The following ONECUT1 variants were observed in gnomAD, a reference collection of about 807,000 sequenced individuals.
ONECUT1 encodes hepatocyte nuclear factor 6.
A neutral mutation model predicts 25.6 loss-of-function variants in ONECUT1; 12 were observed. The ratio of observed to expected loss-of-function variants is 0.47; its 90% CI spans 0.30 to 0.76. ONECUT1 has a LOEUF of 0.76. Ranked by LOEUF, ONECUT1 falls within the 30% of genes least tolerant of loss-of-function variation. ONECUT1 has a pLI of 0.07. For synonymous variants in ONECUT1, 285 were observed against 270.2 expected (o/e 1.05, Z -0.54); for missense variants, 620 against 651.2 (o/e 0.95, Z 0.52).
At chr15:52,777,729 C>CAAAAAAAAAAAA (rs1309303644) in intron 1 of ONECUT1, among the ~76,000 whole-genome samples, 1 of 87,358 alleles carries the variant, frequency 1.1e-5, no homozygotes, top group African/African-American at 8.3e-5. Context: ...CACACACACA[C>CAAAAAAAAAAAA]ACACACACAA....
At chr15:52,762,036 G>A (rs1355490160) in intron 1 of ONECUT1, among the ~76,000 whole-genome samples, 2 of 152,156 alleles carry the variant, frequency 1.3e-5, no homozygotes, top group African/African-American at 4.8e-5. Context: ...GAAGTCATTA[G>A]GTCTCTAGAT....
intron 1 of ONECUT1, chr15:52,780,848 A>G (rs754887617): frequency 1.9e-5 from 26 of 1,345,058 alleles, no homozygotes; most frequent in Non-Finnish European, 2.5e-5. Context: ...TGTGAAAACG[A>G]AAGCAGTGAT....
intron 1 of ONECUT1, among the ~76,000 whole-genome samples, chr15:52,786,278 T>C (rs2083874381): frequency 6.6e-6 from 1 of 152,258 alleles, no homozygotes; most frequent in Non-Finnish European, 1.5e-5. Flanking sequence ...AAATAGGTTG[T>C]GAAGAGACTG....
chr15:52,765,532 T>C (rs2083729332), intron 1 of ONECUT1, among the ~76,000 whole-genome samples: 1 of 152,140 alleles, frequency 6.6e-6, no homozygotes, highest in South Asian at 2.1e-4. Flanking sequence ...AGACAATATA[T>C]GTGGATGAGC....
chr15:52,785,084 C>A (rs979513888), intron 1 of ONECUT1, among the ~76,000 whole-genome samples: 2 of 152,272 alleles, frequency 1.3e-5, no homozygotes, highest in African/African-American at 2.4e-5. Context: ...GCGTCCCACA[C>A]GCCCAGTCCT....
Position 52,789,764 on chromosome 15 carries a change from G to C in ONECUT1, c.121C>G (p.Arg41Gly). 1 of 1,404,864 alleles carries C rather than the reference G, an allele frequency of 7.1e-7. No homozygotes were observed. The highest frequency in any genetic ancestry group is 9.2e-7 in the Non-Finnish European group (1 of 1,090,520). 87.0% of individuals were successfully genotyped at this position (1,404,864 alleles called of 1,614,324 possible). Residue 41 changes from arginine to glycine, a missense_variant, in exon 1 of 2, where the codon CGC becomes GGC. Arg to Gly is a moderately radical substitution (Grantham distance 125). Around this residue, in one of 4 missense-constraint regions of ONECUT1, gnomAD observed 440 missense variants for 404.9 expected, o/e 1.09. Transcript: ENST00000305901. This position sits in a 1 kb window ranked among gnomAD's most constrained non-coding sequence, Gnocchi z 4.1. Reference protein sequence around the residue: ...SPHARSSVAHRGSHLPPAHPR... With the variant: ...SPHARSSVAHGGSHLPPAHPR... The stretch of plus-strand genomic sequence containing the variant: ...TGCGCGGGGGGCAGGTGGCTGCCGC[G>C]GTGCGCCACGGAGCTGCGCGCGTGG...
Position 52,757,701 on chromosome 15 carries a change from T to G in ONECUT1, c.1252A>C (p.Ile418Leu), listed in dbSNP as rs1313697080. 6.2e-7 allele frequency: 1 copy of G among 1,614,122 alleles called. No individual in the cohort carries two copies. Residue 418 changes from isoleucine (I) to leucine (L), a missense_variant, in exon 2 of 2, where the codon ATT (isoleucine) becomes CTT (leucine). Ile to Leu is a conservative substitution (Grantham distance 5). This residue lies in a region of ONECUT1 where 146 missense variants were observed against 201.8 expected (regional missense o/e 0.72). Coordinates refer to ENST00000305901, the MANE Select transcript of ONECUT1 (RefSeq NM_004498.4). ...KRPSKELQIT[I>L]SQQLGLELST... is the part of the protein sequence containing the mutation. Reference sequence around the variant, plus strand: ...AGCTCCAACCCCAGCTGCTGGGAAATGGTGATTTGCAATTCTTTGGATGGA... The same window carrying G: ...AGCTCCAACCCCAGCTGCTGGGAAAGGGTGATTTGCAATTCTTTGGATGGA...
Position 52,755,489 on chromosome 15 carries a change from G to GTC in ONECUT1, c.*2065_*2066insGA. On this transcript the variant is annotated 3_prime_UTR_variant, in exon 2 of 2. Transcript: ENST00000305901. Reference sequence around the variant, plus strand: ...AGGCAAATGAAGTATTTCATCAAAAGAGAAGTATATGTTGGTTTCCTCTTC... The same window carrying GTC: ...AGGCAAATGAAGTATTTCATCAAAAGTCAGAAGTATATGTTGGTTTCCTCTTC... 6.6e-6 allele frequency among the ~76,000 whole-genome samples: 1 copy of GTC among 152,334 alleles called. No individual in the cohort carries two copies. The highest frequency in any genetic ancestry group is 1.5e-5 in the Non-Finnish European group (1 of 68,026).
chr15:52,773,654 T>C (rs1397625232), intron 1 of ONECUT1, among the ~76,000 whole-genome samples: 1 of 152,042 alleles, frequency 6.6e-6, no homozygotes, highest in Non-Finnish European at 1.5e-5. Context: ...CATTCTAGGA[T>C]TGGGGCAGAA....
intron 1 of ONECUT1, among the ~76,000 whole-genome samples, chr15:52,761,619 T>C (rs1766662707): frequency 6.6e-6 from 1 of 152,188 alleles, no homozygotes; most frequent in South Asian, 2.1e-4. Context: ...TGTAGTCAGC[T>C]GATATTGCAA....
rs1474598526 is a variant in ONECUT1 at position 52,790,084 on chromosome 15, T to G, written c.-200A>C. On this transcript the variant is annotated 5_prime_UTR_variant, in exon 1 of 2. Transcript: ENST00000305901. ...GCGTGTGCGTGTGTGTGTGTGTGTGTGTCTCGCCTTCCCTCTTACCCCCCA... is the reference window on the plus strand; with the variant it reads ...GCGTGTGCGTGTGTGTGTGTGTGTGGGTCTCGCCTTCCCTCTTACCCCCCA... The G allele has an allele frequency of 1.4e-6, 1 of 705,532 alleles. No homozygotes were observed. The highest frequency in any genetic ancestry group is 4.4e-5 in the Admixed American group (1 of 22,960). 43.7% of individuals were successfully genotyped at this position (705,532 alleles called of 1,614,324 possible).
At position 52,757,201 on chromosome 15, in the gene ONECUT1, A is replaced by T. The variant is rs2083678039; in HGVS notation, c.*354T>A. 4.1e-6 allele frequency: 1 copy of T among 243,122 alleles called. No homozygotes were observed. The highest frequency in any genetic ancestry group is 1.1e-4 in the East Asian group (1 of 9,058). The allele number at this position is 243,122 out of a possible 1,614,324, so 15.1% of individuals were successfully genotyped here. A position where few individuals can be genotyped will look rare whatever the true frequency, so the allele number is the denominator to read the frequency against. ...ATACACCTTCGTGGCATGGTAGAAC[A>T]GATGAGAAAGTTCGATCTTAAAAGA... On this transcript the variant is annotated 3_prime_UTR_variant, in exon 2 of 2. Transcript: ENST00000305901.
chr15:52,755,276 G>T lies in ONECUT1; in HGVS notation c.*2279C>A, dbSNP rs191374818. Among the ~76,000 whole-genome samples the T allele has an allele frequency of 2.0e-5, 3 of 152,142 alleles. No homozygotes were observed. The highest frequency in any genetic ancestry group is 2.9e-5 in the Non-Finnish European group (2 of 68,016). On this transcript the variant is annotated 3_prime_UTR_variant, in exon 2 of 2. Coordinates refer to ENST00000305901, the MANE Select transcript of ONECUT1 (RefSeq NM_004498.4). Reference sequence around the variant, plus strand: ...GGCTCCCTCCATCCCTGGAGAGAGAGAAAATGTTAATCAGTTTTTTCCTTT... The same window carrying T: ...GGCTCCCTCCATCCCTGGAGAGAGATAAAATGTTAATCAGTTTTTTCCTTT...
At chr15:52,761,981 G>T (rs867032025) in intron 1 of ONECUT1, among the ~76,000 whole-genome samples, 1 of 152,320 alleles carries the variant, frequency 6.6e-6, no homozygotes, top group Middle Eastern at 3.4e-3. Flanking sequence ...GGATGTATGG[G>T]ATCTGGAGTT....
chr15:52,789,071 T>C lies in ONECUT1; in HGVS notation c.814A>G (p.Asn272Asp). The C allele has an allele frequency of 6.2e-7, 1 of 1,602,402 alleles. No individual in the cohort carries two copies. The highest frequency in any genetic ancestry group is 1.7e-5 in the Admixed American group (1 of 60,024). ...ACCTGCGCGCCGGTCACCGAAGGGTTGGGCTCCCGGGCTGTGCCCAGGAGT... is the reference window on the plus strand; with the variant it reads ...ACCTGCGCGCCGGTCACCGAAGGGTCGGGCTCCCGGGCTGTGCCCAGGAGT... ...GQLLGTAREP[N>D]PSVTGAQVSN... Residue 272 changes from asparagine to aspartate, a missense_variant, in exon 1 of 2, where the codon AAC becomes GAC. Asn to Asp is a conservative substitution (Grantham distance 23). Around this residue, in one of 4 missense-constraint regions of ONECUT1, gnomAD observed 440 missense variants for 404.9 expected, o/e 1.09. Coordinates refer to ENST00000305901, the MANE Select transcript of ONECUT1 (RefSeq NM_004498.4). The surrounding 1 kb of genome is among the most constrained non-coding windows in gnomAD (Gnocchi z 4.1).
chr15:52,760,127 A>T (rs2083697354), intron 1 of ONECUT1, among the ~76,000 whole-genome samples: 1 of 152,178 alleles, frequency 6.6e-6, no homozygotes, highest in African/African-American at 2.4e-5. Context: ...CTTTTGTAAC[A>T]TGTCCTGTAG....
At chr15:52,787,774 C>G (rs1033212837) in intron 1 of ONECUT1, 5 of 152,120 alleles carry the variant, frequency 3.3e-5, no homozygotes, top group African/African-American at 1.2e-4. Flanking sequence ...CAAGGGTCGC[C>G]GAATCCTCCT....
chr15:52,761,593 C>G (rs1162333241), intron 1 of ONECUT1, among the ~76,000 whole-genome samples: 1 of 152,154 alleles, frequency 6.6e-6, no homozygotes, highest in African/African-American at 2.4e-5. Context: ...ATTGCTTGAA[C>G]CCAGGATGCA....
At chr15:52,758,110 C>T (rs189282506) in intron 1 of ONECUT1, among the ~76,000 whole-genome samples, 6 of 152,260 alleles carry the variant, frequency 3.9e-5, no homozygotes, top group Admixed American at 2.6e-4. Flanking sequence ...TCAGTTAACT[C>T]CATCTGGGCT....
Sources: allele counts gnomAD v4.1 joint callset (sites outside exome capture counted in the v4.1 genomes callset), GRCh38; gene constraint gnomAD v4.1.1; regional missense constraint gnomAD v4.1.1; non-coding constraint Gnocchi (gnomAD v3.1); transcripts MANE v1.5; gene names NCBI Gene and HGNC (gene_info 2026-07-23, HGNC 2026-07-21).